The following SLC12A7 variants were observed in gnomAD, a reference collection of about 807,000 sequenced individuals.
The protein encoded by SLC12A7 is K-Cl cotransporter 4.
SLC12A7 carries 100 observed loss-of-function variants against 120.6 expected under a neutral mutation model. The observed-to-expected ratio is 0.83, with a 90% confidence interval of 0.71 to 0.98. The LOEUF (loss-of-function observed/expected upper bound fraction) is 0.98, where lower values mean the gene tolerates loss of function less well. SLC12A7 is among the 50% of genes least tolerant of loss of function. SLC12A7 has a pLI of 0.00. For synonymous variants in SLC12A7, 760 were observed against 678.0 expected (o/e 1.12, Z -1.88); for missense variants, 1,373 against 1,548.1 (o/e 0.89, Z 1.90).
At chr5:1,096,207 G>C (rs1741119433) in intron 1 of SLC12A7, among the ~76,000 whole-genome samples, 1 of 152,188 alleles carries the variant, frequency 6.6e-6, no homozygotes, top group South Asian at 2.1e-4. Context: ...CACCACGTCA[G>C]CTGCTTACTC....
chr5:1,075,575 C>T, intron 14 of SLC12A7, 85 bp from the exon 15 acceptor site: 1 of 1,508,532 alleles, frequency 6.6e-7, no homozygotes, highest in Non-Finnish European at 8.9e-7. Context: ...ACTGCCCCTC[C>T]CTCAGTAAAA....
chr5:1,127,117 T>C, the SLC12A7 span, among the ~76,000 whole-genome samples: 1 of 152,056 alleles, frequency 6.6e-6, no homozygotes, highest in African/African-American at 2.4e-5. Context: ...CAGGTTCAAG[T>C]GATTCTCCTG....
chr5:1,062,897 C>T (rs1407888423), intron 20 of SLC12A7: 1 of 154,408 alleles, frequency 6.5e-6, no homozygotes, highest in African/African-American at 2.4e-5. Flanking sequence ...CGGAAGAAAC[C>T]AGGACTTTGC....
At chr5:1,107,129 CTTCT>C (rs1742588309) in intron 1 of SLC12A7, among the ~76,000 whole-genome samples, 1 of 152,228 alleles carries the variant, frequency 6.6e-6, no homozygotes, top group Admixed American at 6.5e-5. Flanking sequence ...TGCCCTCCCT[CTTCT>C]TTCTCTTTCT....
chr5:1,070,020 G>A (rs1402928057), intron 17 of SLC12A7, among the ~76,000 whole-genome samples: 1 of 28,148 alleles, frequency 3.6e-5, no homozygotes, highest in Non-Finnish European at 1.1e-4. Flanking sequence ...CAGCACACGG[G>A]CATCACACTT....
chr5:1,107,250 T>C (rs1277579949), intron 1 of SLC12A7, among the ~76,000 whole-genome samples: 1 of 152,260 alleles, frequency 6.6e-6, no homozygotes, highest in Non-Finnish European at 1.5e-5. Context: ...GTGTTAGGCG[T>C]AGCCTTAACC....
rs781057283 is a variant in SLC12A7, at chr5:1,074,618, C to T, written c.2021G>A (p.Arg674His). The T allele has an allele frequency of 3.7e-5, 59 of 1,612,702 alleles. No homozygotes were observed. Among genetic ancestry groups the T allele is most frequent in the Admixed American group, 2.2e-4 (13 of 59,988 alleles). Residue 674 changes from arginine (R) to histidine (H), a missense_variant, in exon 16 of 24, where the codon CGC (arginine) becomes CAC (histidine). Transcript: ENST00000264930. ...GIRGLSLNAA[R>H]YALLRVEHGP... ...GTGCTCCACGCGCAGCAGGGCGTAG[C>T]GGGCGGCGTTCAGGGATAGGCCACG...
Position 1,093,602 on chromosome 5 carries a change from G to A in SLC12A7, c.273C>T (p.Asn91=). ...MVSSLLNKLA[N]YTNLSQGVVE... The stretch of plus-strand genomic sequence containing the variant: ...CCACGCCCTGGCTCAGGTTGGTGTA[G>A]TTGGCCAGCTTGTTGAGCAGCGAGG... Residue 91 remains asparagine (N), a synonymous_variant, in exon 3 of 24, where the codon AAC becomes AAT. Transcript: ENST00000264930. 6.2e-7 allele frequency: 1 copy of A among 1,613,060 alleles called. No individual in the cohort carries two copies. Among genetic ancestry groups the A allele is most frequent in the Middle Eastern group, 1.7e-4 (1 of 6,056 alleles).
the SLC12A7 span, among the ~76,000 whole-genome samples, chr5:1,122,765 G>GGCTGTCGAGTGTCC: frequency 6.6e-6 from 1 of 152,204 alleles, no homozygotes; most frequent in Admixed American, 6.5e-5. Context: ...TCATTTTCTC[G>GGCTGTCGAGTGTCC]GCTGTCGAGT....
chr5:1,153,063 C>T, the SLC12A7 span, among the ~76,000 whole-genome samples: 1 of 152,244 alleles, frequency 6.6e-6, no homozygotes. Flanking sequence ...GGGCACGACA[C>T]AAAATCATTC....
chr5:1,093,436 G>A (rs971537850), intron 3 of SLC12A7, 97 bp downstream of exon 3: 86 of 1,261,180 alleles, frequency 6.8e-5, no homozygotes, highest in Non-Finnish European at 9.0e-5. Context: ...AGAGCTCAGG[G>A]CAGCTCTTCT....
the SLC12A7 span, among the ~76,000 whole-genome samples, chr5:1,152,973 A>C: frequency 6.6e-6 from 1 of 152,292 alleles, no homozygotes; most frequent in Admixed American, 6.5e-5. Flanking sequence ...TGCCAATAAA[A>C]TGTTTGTTTG....
the SLC12A7 span, among the ~76,000 whole-genome samples, chr5:1,130,676 C>G: frequency 6.6e-6 from 1 of 152,240 alleles, no homozygotes; most frequent in Non-Finnish European, 1.5e-5. Context: ...GCAGGTGCAC[C>G]TGTGCCTGCC....
At chr5:1,092,020 T>A (rs1449831423) in intron 3 of SLC12A7, among the ~76,000 whole-genome samples, 1 of 152,232 alleles carries the variant, frequency 6.6e-6, no homozygotes, top group Admixed American at 6.5e-5. Flanking sequence ...CACTACCCTG[T>A]CCTGGGACAA....
intron 3 of SLC12A7, 25 bp from the exon 4 acceptor site, chr5:1,089,153 A>G (rs2150869939): frequency 6.2e-7 from 1 of 1,608,762 alleles, no homozygotes. Context: ...AGCGTGTCCC[A>G]GGGGCTCGTA....
chr5:1,107,898 C>G (rs928278055), intron 1 of SLC12A7, among the ~76,000 whole-genome samples: 1 of 152,176 alleles, frequency 6.6e-6, no homozygotes, highest in African/African-American at 2.4e-5. Context: ...GGAGAGGGAG[C>G]CCCTCACCAC....
intron 1 of SLC12A7, 52 bp downstream of exon 1, chr5:1,111,816 A>C: frequency 8.4e-7 from 1 of 1,191,998 alleles, no homozygotes; most frequent in Non-Finnish European, 1.0e-6. Context: ...CCGGGCCCAG[A>C]CCCGCGCTCG....
chr5:1,052,572 C>A (rs1735160595), intron 23 of SLC12A7, 121 bp from the exon 24 acceptor site: 2 of 817,818 alleles, frequency 2.4e-6, no homozygotes, highest in Admixed American at 4.3e-5. Flanking sequence ...AAACCCAGAG[C>A]CAAGGTGAAA....
the SLC12A7 span, among the ~76,000 whole-genome samples, chr5:1,137,152 G>C: frequency 1.1e-4 from 17 of 152,020 alleles, no homozygotes. Context: ...CTGCAGTCCC[G>C]GGTTTTCACC....
Sources: gnomAD v4.1 joint callset for allele counts (sites outside exome capture counted in the v4.1 genomes callset) on GRCh38, gnomAD v4.1.1 for gene constraint, MANE v1.5 for transcripts, NCBI Gene and HGNC (gene_info 2026-07-23, HGNC 2026-07-21) for gene names.